Variants in SLC9A9 observed in about 807,000 individuals in gnomAD.
The protein encoded by SLC9A9 is sodium/hydrogen exchanger 9.
In SLC9A9, 62 loss-of-function variants were observed where a neutral mutation model predicts 77.8. The ratio of observed to expected loss-of-function variants is 0.80; its 90% confidence interval spans 0.65 to 0.98. SLC9A9 has a LOEUF of 0.98. SLC9A9 is among the 50% of genes least tolerant of loss of function. The pLI, the probability that SLC9A9 is intolerant of heterozygous loss-of-function variation, is 0.00. For missense variants in SLC9A9, 775 were observed against 774.9 expected (o/e 1.00, Z 0.00); for synonymous variants, 320 against 283.5 (o/e 1.13, Z -1.29).
chr3:143,297,663 C>A (rs2030334995), intron 14 of SLC9A9, among the ~76,000 whole-genome samples: 1 of 152,128 alleles, frequency 6.6e-6, no homozygotes, highest in African/African-American at 2.4e-5. Flanking sequence ...CCATTTGTGT[C>A]TTTTAATTTC....
Position 143,524,877 on chromosome 3 carries a change from G to A in SLC9A9, c.1089+27485C>T, listed in dbSNP as rs560464464. ...TCTCCTGTTTTGCTTCTTTGTACAT[G>A]TCTATTTCTCCTTCTGCTTTTCTGC... On this transcript the variant is annotated intron_variant, in intron 9 of 15. Transcript: ENST00000316549. Among the ~76,000 whole-genome samples the A allele has an allele frequency of 1.1e-3, 163 of 152,246 alleles. 1 individual carries two copies. The highest frequency in any genetic ancestry group is 3.8e-3 in the African/African-American group (157 of 41,540).
chr3:143,447,030 G>C (rs945194791), intron 12 of SLC9A9, among the ~76,000 whole-genome samples: 1 of 152,136 alleles, frequency 6.6e-6, no homozygotes, highest in Non-Finnish European at 1.5e-5. Flanking sequence ...CTGCCTTCCT[G>C]TTTCCCTGTG....
intron 4 of SLC9A9, among the ~76,000 whole-genome samples, chr3:143,730,908 A>G (rs1175183157): frequency 6.6e-6 from 1 of 152,230 alleles, no homozygotes; most frequent in Non-Finnish European, 1.5e-5. Context: ...GCCATAGGCT[A>G]CAATTGACAA....
chr3:143,320,930 G>C (rs1369143401), intron 14 of SLC9A9, among the ~76,000 whole-genome samples: 1 of 152,164 alleles, frequency 6.6e-6, no homozygotes, highest in African/African-American at 2.4e-5. Context: ...CAGACACATG[G>C]AGGAGAATGC....
At chr3:143,821,082 G>A (rs1278898724) in intron 2 of SLC9A9, among the ~76,000 whole-genome samples, 4 of 152,160 alleles carry the variant, frequency 2.6e-5, no homozygotes, top group Non-Finnish European at 2.9e-5. Flanking sequence ...GGGGACTGGG[G>A]TGAGCAGGAA....
At chr3:143,453,477 G>A (rs2035040886) in intron 12 of SLC9A9, among the ~76,000 whole-genome samples, 1 of 152,004 alleles carries the variant, frequency 6.6e-6, no homozygotes, top group African/African-American at 2.4e-5. Flanking sequence ...GGGAAAAATA[G>A]TTATCTTGAG....
At chr3:143,484,431 GC>G (rs1462975390) in intron 11 of SLC9A9, among the ~76,000 whole-genome samples, 3 of 152,148 alleles carry the variant, frequency 2.0e-5, no homozygotes, top group African/African-American at 7.2e-5. Context: ...GTAATGTATA[GC>G]TATCAGAATT....
intron 12 of SLC9A9, among the ~76,000 whole-genome samples, chr3:143,461,734 C>T (rs1050645757): frequency 2.4e-4 from 37 of 152,244 alleles, no homozygotes; most frequent in Non-Finnish European, 2.4e-4. Flanking sequence ...ATGAAGCAAA[C>T]TGTTAAACCC....
At chr3:143,506,442 T>G (rs143676151) in intron 9 of SLC9A9, among the ~76,000 whole-genome samples, 1 of 152,312 alleles carries the variant, frequency 6.6e-6, no homozygotes, top group Non-Finnish European at 1.5e-5. Flanking sequence ...ACTTCTCCTA[T>G]TTCTTTGGTT....
rs2038809080 is a variant in SLC9A9 at position 143,652,267 on chromosome 3, A to G, written c.743T>C (p.Ile248Thr). The part of the protein sequence containing the change: ...GESVLNDAVA[I>T]VLTYSISIYS... ...TTCTGGTACTTACTATGTAAGGACT[A>G]TGGCCACTGCATCATTCAACACACT... The change falls in exon 6 of 16, where the codon ATA (isoleucine) becomes ACA (threonine). Residue 248 changes from isoleucine to threonine, a missense_variant. Ile to Thr is a moderately conservative substitution (Grantham distance 89). Transcript: ENST00000316549. 2 of 1,612,250 alleles carry G rather than the reference A, an allele frequency of 1.2e-6. No homozygotes were observed. Among genetic ancestry groups the G allele is most frequent in the South Asian group, 1.1e-5 (1 of 90,808 alleles).
At chr3:143,822,427 T>G (rs1039526908) in intron 2 of SLC9A9, among the ~76,000 whole-genome samples, 6 of 152,084 alleles carry the variant, frequency 3.9e-5, no homozygotes, top group African/African-American at 1.5e-4. Flanking sequence ...AGAGCCCACT[T>G]AGTCCTGTGA....
intron 4 of SLC9A9, among the ~76,000 whole-genome samples, chr3:143,747,760 C>A (rs557272817): frequency 2.0e-5 from 3 of 152,202 alleles, no homozygotes; most frequent in African/African-American, 7.2e-5. Flanking sequence ...ACTTTGGCCT[C>A]CAGAACTGGA....
chr3:143,496,070 G>C (rs1010105082), intron 9 of SLC9A9, among the ~76,000 whole-genome samples: 6 of 152,080 alleles, frequency 3.9e-5, no homozygotes, highest in Non-Finnish European at 8.8e-5. Flanking sequence ...ACAATTTCTA[G>C]CTGCTAAAAA....
In SLC9A9 at chr3:143,423,180, C is replaced by T. The variant is rs1705844462; in HGVS notation, c.1470-41066G>A. Reference sequence around the variant, plus strand: ...ACACAAATATACATGTAGAAATGAACATATATGTAAATCTCTACTTACCCT... The same window carrying T: ...ACACAAATATACATGTAGAAATGAATATATATGTAAATCTCTACTTACCCT... On this transcript the variant is annotated intron_variant, in intron 12 of 15. Transcript: ENST00000316549. Among the ~76,000 whole-genome samples the T allele has an allele frequency of 2.0e-5, 3 of 150,696 alleles. No homozygotes were observed. The South Asian group carries it at 6.3e-4, about 32-fold the overall frequency.
chr3:143,766,748 A>G (rs551579913), intron 4 of SLC9A9, among the ~76,000 whole-genome samples: 2 of 152,122 alleles, frequency 1.3e-5, no homozygotes, highest in South Asian at 4.2e-4. Context: ...TTTAAAAAAT[A>G]TTTTTAGTAG....
chr3:143,281,104 T>C (rs1238888943), intron 14 of SLC9A9, among the ~76,000 whole-genome samples: 1 of 152,188 alleles, frequency 6.6e-6, no homozygotes, highest in Non-Finnish European at 1.5e-5. Context: ...AGGGATAGCA[T>C]CACTTCTACA....
chr3:143,507,689 G>A (rs2036044996), intron 9 of SLC9A9, among the ~76,000 whole-genome samples: 1 of 152,200 alleles, frequency 6.6e-6, no homozygotes, highest in Non-Finnish European at 1.5e-5. Flanking sequence ...TCTTAGGTGG[G>A]AGTATGAAGA....
intron 14 of SLC9A9, among the ~76,000 whole-genome samples, chr3:143,280,572 G>A (rs1938187064): frequency 7.0e-6 from 1 of 143,256 alleles, no homozygotes; most frequent in Non-Finnish European, 1.5e-5. Context: ...TTTTGAGGTG[G>A]AGTTTCACTT....
intron 6 of SLC9A9, among the ~76,000 whole-genome samples, chr3:143,611,025 A>G (rs2038014748): frequency 6.6e-6 from 1 of 152,202 alleles, no homozygotes; most frequent in Non-Finnish European, 1.5e-5. Context: ...GGTGCCAAAA[A>G]AAACTTCCAA....
Sources: gnomAD v4.1 joint callset for allele counts (sites outside exome capture counted in the v4.1 genomes callset) on GRCh38, gnomAD v4.1.1 for gene constraint, MANE v1.5 for transcripts, NCBI Gene and HGNC (gene_info 2026-07-23, HGNC 2026-07-21) for gene names.